Variants in ANGPTL6 observed in about 807,000 individuals in gnomAD.
ANGPTL6 encodes the protein angiopoietin like 6.
Under a neutral mutation model 47.4 loss-of-function variants are expected in ANGPTL6, and 45 were observed. That is an observed-to-expected ratio of 0.95 (90% CI 0.75 to 1.22). The LOEUF is 1.22. Ranked by LOEUF, ANGPTL6 falls within the 50% of genes most tolerant of loss-of-function variation. ANGPTL6 has a pLI of 0.00. For missense variants in ANGPTL6, 698 were observed against 669.4 expected (o/e 1.04, Z -0.47); for synonymous variants, 290 against 295.9 (o/e 0.98, Z 0.20).
At chr19:10,094,371 C>T (rs2088475275) in intron 3 of ANGPTL6, 3 of 276,188 alleles carry the variant, frequency 1.1e-5, no homozygotes, top group South Asian at 7.1e-5. Context: ...TGGTCTTGAT[C>T]TCCTGACCTC....
chr19:10,094,084 A>G (rs960022596), intron 3 of ANGPTL6, among the ~76,000 whole-genome samples: 11 of 152,106 alleles, frequency 7.2e-5, no homozygotes, highest in South Asian at 2.1e-4. Flanking sequence ...CCGAGCTCCA[A>G]TAGCCATTTC....
At chr19:10,097,565 A>G (rs1458455501) in intron 1 of ANGPTL6, among the ~76,000 whole-genome samples, 1 of 152,094 alleles carries the variant, frequency 6.6e-6, no homozygotes, top group African/African-American at 2.4e-5. Context: ...GCTAAAAATA[A>G]CAGTAGGGCC....
chr19:10,102,408 A>C, intron 1 of ANGPTL6, 160 bp downstream of exon 1: 2 of 169,588 alleles, frequency 1.2e-5, no homozygotes, highest in Non-Finnish European at 2.3e-5. Context: ...CACAACAGAG[A>C]TTGAGCAACC....
Position 10,096,540 on chromosome 19 carries a change from C to T in ANGPTL6, c.24G>A (p.Ala8=), listed in dbSNP as rs925083378. 10 of 1,514,184 alleles carry T rather than the reference C, an allele frequency of 6.6e-6. No individual in the cohort carries two copies. Among genetic ancestry groups the T allele is most frequent in the Middle Eastern group, 3.8e-4 (2 of 5,250 alleles). The allele number at this position is 1,514,184 out of a possible 1,614,324, so 93.8% of individuals were successfully genotyped here. A position where few individuals can be genotyped will look rare whatever the true frequency, so the allele number is the denominator to read the frequency against. MGKPWLR[A]LQLLLLLGAS... Reference sequence around the variant, plus strand: ...CGCCCAGCAGGAGCAGCAGCTGTAGCGCACGCAGCCAGGGCTTCCCCATCG... The same window carrying T: ...CGCCCAGCAGGAGCAGCAGCTGTAGTGCACGCAGCCAGGGCTTCCCCATCG... The change falls in exon 2 of 6, where the codon GCG becomes GCA. Residue 8 remains alanine (A), a synonymous_variant. Coordinates refer to ENST00000253109, the MANE Select transcript of ANGPTL6 (RefSeq NM_031917.3).
chr19:10,094,004 C>A, intron 3 of ANGPTL6, 124 bp from the exon 4 acceptor site: 1 of 1,011,560 alleles, frequency 9.9e-7, no homozygotes, highest in Non-Finnish European at 1.4e-6. Flanking sequence ...ACTTTTCTAC[C>A]AAAGAGTCCT....
upstream of ANGPTL6, among the ~76,000 whole-genome samples, chr19:10,103,950 G>T (rs1280812506): frequency 6.6e-6 from 1 of 151,598 alleles, no homozygotes; most frequent in African/African-American, 2.4e-5. Flanking sequence ...AAAATTTGCC[G>T]GGTGTGGTGG....
At chr19:10,103,981 T>A (rs955194315), upstream of ANGPTL6, among the ~76,000 whole-genome samples, 31 of 147,428 alleles carry the variant, frequency 2.1e-4, no homozygotes, top group African/African-American at 7.1e-4. Flanking sequence ...TAATCCCAGC[T>A]ACTCAGGAGG....
intron 1 of ANGPTL6, among the ~76,000 whole-genome samples, chr19:10,098,779 G>A (rs911282678): frequency 2.5e-4 from 38 of 151,436 alleles, no homozygotes; most frequent in Non-Finnish European, 4.4e-4. Context: ...AGCCGAGATC[G>A]CACCACCGCA....
At chr19:10,099,090 A>G (rs911313903) in intron 1 of ANGPTL6, among the ~76,000 whole-genome samples, 2 of 151,932 alleles carry the variant, frequency 1.3e-5, no homozygotes, top group Non-Finnish European at 2.9e-5. Flanking sequence ...AGCTCAAGAC[A>G]CCATCTGGAT....
At chr19:10,098,336 A>C (rs796999682) in intron 1 of ANGPTL6, among the ~76,000 whole-genome samples, 2 of 152,078 alleles carry the variant, frequency 1.3e-5, no homozygotes, top group African/African-American at 4.8e-5. Flanking sequence ...TGGGGACGAG[A>C]GCAAACCCTG....
At chr19:10,100,209 C>T (rs1177953376) in intron 1 of ANGPTL6, among the ~76,000 whole-genome samples, 4 of 151,740 alleles carry the variant, frequency 2.6e-5, no homozygotes, top group Non-Finnish European at 4.4e-5. Context: ...CGCACCACTG[C>T]CTTCTAGCCT....
chr19:10,093,663 CCTTCCCTGCCTCTG>C lies in ANGPTL6; in HGVS notation c.951+16_951+29del. ...CAGGAAGCCAGAACAGGCTCCCTCC[CCTTCCCTGCCTCTG>C]CCCACCTGTGCCCACCTTATAGTGC... On this transcript the variant is annotated intron_variant, in intron 4 of 5. Coordinates refer to ENST00000253109, the MANE Select transcript of ANGPTL6 (RefSeq NM_031917.3). 1 of 1,613,446 alleles carries C rather than the reference CCTTCCCTGCCTCTG, an allele frequency of 6.2e-7. No individual in the cohort carries two copies. Among genetic ancestry groups the C allele is most frequent in the Non-Finnish European group, 8.5e-7 (1 of 1,179,410 alleles).
upstream of ANGPTL6, chr19:10,106,138 G>A (rs979612317): frequency 1.6e-6 from 1 of 612,920 alleles, no homozygotes; most frequent in Non-Finnish European, 2.7e-6. Flanking sequence ...GAAATGGGCC[G>A]AAGCGGGATT....
intron 1 of ANGPTL6, among the ~76,000 whole-genome samples, chr19:10,099,762 G>A (rs1158540098): frequency 1.3e-5 from 2 of 151,412 alleles, no homozygotes; most frequent in Non-Finnish European, 2.9e-5. Flanking sequence ...AGTCTCAGCA[G>A]CGCTCCTTGA....
Position 10,096,665 on chromosome 19 carries a change from G to T in ANGPTL6, c.-10-92C>A, listed in dbSNP as rs564817179. The stretch of plus-strand genomic sequence containing the variant: ...CGCGGGGATGCGCGCGTCTACACCC[G>T]CGATGTCCCGGGCCCATAATTTCAG... On this transcript the variant is annotated intron_variant, in intron 1 of 5. Coordinates refer to ENST00000253109, the MANE Select transcript of ANGPTL6 (RefSeq NM_031917.3). 4 of 1,004,004 alleles carry T rather than the reference G, an allele frequency of 4.0e-6. No homozygotes were observed. In the East Asian group the frequency reaches 1.3e-4, roughly 33 times the overall value. The allele number at this position is 1,004,004 out of a possible 1,614,324, so 62.2% of individuals were successfully genotyped here.
chr19:10,094,690 C>G (rs2088485573), intron 3 of ANGPTL6, 68 bp downstream of exon 3: 1 of 1,581,230 alleles, frequency 6.3e-7, no homozygotes, highest in African/African-American at 1.3e-5. Context: ...TGAGAGAAAT[C>G]TGCCACTAAA....
intron 5 of ANGPTL6, 141 bp from the exon 6 acceptor site, chr19:10,092,920 C>CA: frequency 7.3e-6 from 5 of 684,010 alleles, no homozygotes; most frequent in South Asian, 3.3e-5. Context: ...ATCTCCTCAG[C>CA]AAAAAAATAG....
chr19:10,101,536 G>A (rs186143634), intron 1 of ANGPTL6, among the ~76,000 whole-genome samples: 8 of 150,300 alleles, frequency 5.3e-5, no homozygotes, highest in East Asian at 2.0e-4. Context: ...GGCCAGGCAC[G>A]GTGGCTCACG....
At chr19:10,102,115 C>CAAAAAA (rs111902676) in intron 1 of ANGPTL6, among the ~76,000 whole-genome samples, 25 of 43,628 alleles carry the variant, frequency 5.7e-4, no homozygotes, top group South Asian at 8.7e-4. Flanking sequence ...GACTCTGTCT[C>CAAAAAA]AAAAAAAAAA....
Sources: allele counts gnomAD v4.1 joint callset (sites outside exome capture counted in the v4.1 genomes callset), GRCh38; gene constraint gnomAD v4.1.1; transcripts MANE v1.5; gene names NCBI Gene and HGNC (gene_info 2026-07-23, HGNC 2026-07-21).